FBXW10: variants seen among roughly 807,000 people sequenced by gnomAD.
FBXW10 encodes the protein F-box/WD repeat-containing protein 10.
In FBXW10, 68 loss-of-function variants were observed where a neutral mutation model predicts 113.1. That is an observed-to-expected ratio of 0.60 (90% CI 0.49 to 0.74). The LOEUF is 0.74. FBXW10 is among the 30% of genes least tolerant of loss of function. The probability of loss-of-function intolerance (pLI) is 0.00; values close to 1 mark genes in which losing one functional copy is unlikely to be tolerated. For missense variants in FBXW10, 753 were observed against 1,284.5 expected (o/e 0.59, Z 6.32); for synonymous variants, 289 against 481.6 (o/e 0.60, Z 5.24).
chr17:18,762,411 T>C, intron 7 of FBXW10, among the ~76,000 whole-genome samples: 1 of 143,672 alleles, frequency 7.0e-6, no homozygotes, highest in East Asian at 2.1e-4. Context: ...TCCGACTCCC[T>C]GATTCAAAGG....
intron 7 of FBXW10, among the ~76,000 whole-genome samples, chr17:18,763,789 C>G (rs2035433787): frequency 6.6e-6 from 1 of 151,882 alleles, no homozygotes; most frequent in Admixed American, 6.6e-5. Flanking sequence ...TTCTGTTGCT[C>G]TTGTTTGCAG....
chr17:18,751,971 A>T (rs1286410214), intron 5 of FBXW10, among the ~76,000 whole-genome samples: 1 of 152,192 alleles, frequency 6.6e-6, no homozygotes, highest in Non-Finnish European at 1.5e-5. Flanking sequence ...TAAAACCATT[A>T]GATTTCTGCC....
intron 12 of FBXW10, among the ~76,000 whole-genome samples, chr17:18,773,040 T>C (rs1392401049): frequency 6.6e-6 from 1 of 151,584 alleles, no homozygotes; most frequent in Non-Finnish European, 1.5e-5. Flanking sequence ...GCGATTCTCC[T>C]GCCTCAGCCT....
chr17:18,744,792 C>CAGA (rs1256256108), intron 1 of FBXW10, 43 bp downstream of exon 1: 1 of 1,591,428 alleles, frequency 6.3e-7, no homozygotes, highest in Non-Finnish European at 8.6e-7. Context: ...CCCCGAAGAC[C>CAGA]AGAAGGCAAG....
intron 8 of FBXW10, among the ~76,000 whole-genome samples, chr17:18,766,223 CCTT>C (rs2035493919): frequency 6.6e-6 from 1 of 152,050 alleles, no homozygotes; most frequent in Admixed American, 6.6e-5. Context: ...GGGTAGATGA[CCTT>C]CTTTCATTTT....
At chr17:18,759,178 C>A (rs1313921183) in intron 7 of FBXW10, among the ~76,000 whole-genome samples, 1 of 151,726 alleles carries the variant, frequency 6.6e-6, no homozygotes, top group Non-Finnish European at 1.5e-5. Flanking sequence ...TCAAAAAAAA[C>A]CACATATGTA....
chr17:18,772,752 T>G, intron 12 of FBXW10, 69 bp downstream of exon 12: 1 of 1,369,414 alleles, frequency 7.3e-7, no homozygotes, highest in Non-Finnish European at 1.0e-6. Flanking sequence ...GTGGGGGTGG[T>G]GGGAGACGGG....
At position 18,768,542 on chromosome 17, in the gene FBXW10, T is replaced by C; in HGVS notation, c.1713T>C (p.Ser571=). The part of the protein sequence containing the change: ...IAMAQLVKTL[S]GHEGAVKCLF... Reference sequence around the variant, plus strand: ...GGTATCTTTTCTTGCAGACTCTCAGTGGCCATGAGGGAGCCGTGAAATGCC... The same window carrying C: ...GGTATCTTTTCTTGCAGACTCTCAGCGGCCATGAGGGAGCCGTGAAATGCC... The change falls in exon 10 of 14, where the codon AGT becomes AGC. Residue 571 remains serine (S), a synonymous_variant. Transcript: ENST00000395665. 1.9e-6 allele frequency: 3 copies of C among 1,614,070 alleles called. No homozygotes were observed. The highest frequency in any genetic ancestry group is 1.7e-6 in the Non-Finnish European group (2 of 1,180,002).
At chr17:18,769,620 C>CA (rs1299272949) in intron 10 of FBXW10, 2 of 267,848 alleles carry the variant, frequency 7.5e-6, no homozygotes, top group East Asian at 1.7e-4. Flanking sequence ...CTACTAAATA[C>CA]AAAAAAATTA....
chr17:18,744,565 C>G lies in FBXW10; in HGVS notation c.321C>G (p.Asn107Lys), dbSNP rs1417057993. ...KEGKVVKSSL[N>K]QMLDKTVEQK... ...GGAAAGTTGTGAAGTCCTCCTTGAA[C>G]CAAATGTTGGATAAAACAGTAGAAC... The change falls in exon 1 of 14, where the codon AAC (asparagine) becomes AAG (lysine). Residue 107 changes from asparagine to lysine, a missense_variant. Transcript: ENST00000395665. 2 of 1,614,016 alleles carry G rather than the reference C, an allele frequency of 1.2e-6. No homozygotes were observed. The highest frequency in any genetic ancestry group is 1.7e-5 in the Admixed American group (1 of 60,010).
Position 18,759,391 on chromosome 17 carries a change from T to C in FBXW10, c.1433+886T>C, listed in dbSNP as rs185055951. On this transcript the variant is annotated intron_variant, in intron 7 of 13. Transcript: ENST00000395665. Reference sequence around the variant, plus strand: ...CTTCCTTCTTATACATCTCCAGAAGTATTAGTTACTTGTGCCTGTTTTTGA... The same window carrying C: ...CTTCCTTCTTATACATCTCCAGAAGCATTAGTTACTTGTGCCTGTTTTTGA... 3.5e-3 allele frequency among the ~76,000 whole-genome samples: 534 copies of C among 152,142 alleles called. 4 individuals are homozygous for C. The highest frequency in any genetic ancestry group is 0.011 in the African/African-American group (473 of 41,418).
At chr17:18,757,883 C>T (rs1453120733) in intron 6 of FBXW10, among the ~76,000 whole-genome samples, 1 of 151,628 alleles carries the variant, frequency 6.6e-6, no homozygotes, top group Non-Finnish European at 1.5e-5. Flanking sequence ...CTAATATATG[C>T]TCACTGGATA....
chr17:18,751,031 C>T lies in FBXW10; in HGVS notation c.1100C>T (p.Pro367Leu), dbSNP rs371774794. Residue 367 changes from proline (P) to leucine (L), a missense_variant, in exon 5 of 14, where the codon CCG (proline) becomes CTG (leucine). Physicochemically the swap from Pro to Leu is moderately conservative, Grantham distance 98. Coordinates refer to ENST00000395665, the MANE Select transcript of FBXW10 (RefSeq NM_001267585.2). ...DDGKSMRVKH[P>L]KWKLRTKNEY... ...GGGAAGAGCATGCGTGTGAAACATCCGAAGTGGAAGCTGAGAACGAAGGTG... is the reference window on the plus strand; with the variant it reads ...GGGAAGAGCATGCGTGTGAAACATCTGAAGTGGAAGCTGAGAACGAAGGTG... The T allele has an allele frequency of 1.9e-6, 3 of 1,613,832 alleles. No homozygotes were observed. The highest frequency in any genetic ancestry group is 2.2e-5 in the East Asian group (1 of 44,878).
intron 11 of FBXW10, among the ~76,000 whole-genome samples, chr17:18,771,644 T>C (rs1359071202): frequency 6.6e-6 from 1 of 152,100 alleles, no homozygotes; most frequent in African/African-American, 2.4e-5. Flanking sequence ...GCCTCCCCAT[T>C]AGAGAGCTTT....
intron 5 of FBXW10, among the ~76,000 whole-genome samples, chr17:18,753,592 G>A (rs1374486409): frequency 6.6e-6 from 1 of 152,102 alleles, no homozygotes; most frequent in Non-Finnish European, 1.5e-5. Context: ...AAGAAAAGGG[G>A]CCAGGCGCAG....
intron 9 of FBXW10, 101 bp downstream of exon 9, chr17:18,766,963 T>C: frequency 8.3e-7 from 1 of 1,207,166 alleles, no homozygotes; most frequent in Non-Finnish European, 1.2e-6. Flanking sequence ...CAACTGAGTA[T>C]GACCTTCAAG....
intron 11 of FBXW10, 54 bp from the exon 12 acceptor site, chr17:18,772,358 C>A (rs947362215): frequency 2.6e-6 from 4 of 1,557,230 alleles, no homozygotes; most frequent in Non-Finnish European, 3.5e-6. Flanking sequence ...TGCAGTGCAT[C>A]TTTCGGTGGC....
At position 18,744,575 on chromosome 17, in the gene FBXW10, G is replaced by C; in HGVS notation, c.331G>C (p.Asp111His). Residue 111 changes from aspartate to histidine, a missense_variant, in exon 1 of 14, where the codon GAT becomes CAT. Physicochemically the swap from Asp to His is moderately conservative, Grantham distance 81. Transcript: ENST00000395665. Reference protein sequence around the residue: ...VVKSSLNQMLDKTVEQKMKEI... With the variant: ...VVKSSLNQMLHKTVEQKMKEI... ...GAAGTCCTCCTTGAACCAAATGTTG[G>C]ATAAAACAGTAGAACAGAAGATGAA... 3 of 1,613,994 alleles carry C rather than the reference G, an allele frequency of 1.9e-6. No individual in the cohort carries two copies. The highest frequency in any genetic ancestry group is 1.7e-6 in the Non-Finnish European group (2 of 1,179,878).
intron 7 of FBXW10, 91 bp from the exon 8 acceptor site, chr17:18,764,651 C>A (rs2035451272): frequency 1.9e-6 from 3 of 1,578,718 alleles, no homozygotes; most frequent in Non-Finnish European, 2.6e-6. Flanking sequence ...TCTGCTGCCT[C>A]CCAACTAACT....
Sources: allele counts gnomAD v4.1 joint callset (sites outside exome capture counted in the v4.1 genomes callset), GRCh38; gene constraint gnomAD v4.1.1; transcripts MANE v1.5; gene names NCBI Gene and HGNC (gene_info 2026-07-23, HGNC 2026-07-21).